ZNF248: variants seen among roughly 807,000 people sequenced by gnomAD.
ZNF248 encodes KRAB protein domain.
Under a neutral mutation model 44.3 loss-of-function variants are expected in ZNF248, and 20 were observed. The observed-to-expected ratio is 0.45, with a 90% CI of 0.32 to 0.66. The LOEUF (loss-of-function observed/expected upper bound fraction) is 0.66, where lower values mean the gene tolerates loss of function less well. ZNF248 is among the 30% of genes least tolerant of loss of function. The pLI, the probability that ZNF248 is intolerant of heterozygous loss-of-function variation, is 0.04. For missense variants in ZNF248, 654 were observed against 677.0 expected (o/e 0.97, Z 0.38); for synonymous variants, 224 against 229.0 (o/e 0.98, Z 0.20).
At chr10:37,818,194 G>A (rs2052854445) in intron 6 of ZNF248, among the ~76,000 whole-genome samples, 1 of 152,148 alleles carries the variant, frequency 6.6e-6, no homozygotes, top group Non-Finnish European at 1.5e-5. Context: ...GAGATTACAG[G>A]CATGAGCCAC....
intron 6 of ZNF248, among the ~76,000 whole-genome samples, chr10:37,788,923 G>A (rs2048196161): frequency 6.6e-6 from 1 of 151,540 alleles, no homozygotes; most frequent in Admixed American, 6.6e-5. Flanking sequence ...CCAGGCTGGA[G>A]TGCAGTGGCA....
chr10:37,827,706 T>C (rs950884679), downstream of ZNF248, among the ~76,000 whole-genome samples: 1 of 151,996 alleles, frequency 6.6e-6, no homozygotes. Flanking sequence ...AGGAGAGATA[T>C]GATGAAAGGA....
In ZNF248 at chr10:37,837,656, A is replaced by T. The variant is rs1262574256; in HGVS notation, c.199T>A (p.Trp67Arg). The stretch of plus-strand genomic sequence containing the variant: ...CTTGGGAATCCTTTTTCTAATATCC[A>T]GGGCTCTTCTCCTTGCTCGATCTTA... ...IFKIEQGEEP[W>R]ILEKGFPSQC... is the part of the protein sequence containing the mutation. Residue 67 changes from tryptophan to arginine, a missense_variant, in exon 5 of 6, where the codon TGG (tryptophan) becomes AGG (arginine). Trp to Arg is a moderately radical substitution (Grantham distance 101). Coordinates refer to ENST00000395867, the MANE Select transcript of ZNF248 (RefSeq NM_021045.3). The T allele has an allele frequency of 2.5e-6, 4 of 1,613,980 alleles. No individual in the cohort carries two copies. The highest frequency in any genetic ancestry group is 3.4e-6 in the Non-Finnish European group (4 of 1,180,014).
intron 3 of ZNF248, among the ~76,000 whole-genome samples, chr10:37,849,604 G>A (rs768371834): frequency 1.3e-5 from 2 of 151,242 alleles, no homozygotes; most frequent in African/African-American, 4.9e-5. Context: ...GGAGAATGGC[G>A]TGAACCCGGG....
intron 3 of ZNF248, among the ~76,000 whole-genome samples, chr10:37,843,025 G>A (rs1336288810): frequency 3.9e-5 from 6 of 152,200 alleles, no homozygotes; most frequent in Non-Finnish European, 8.8e-5. Context: ...TGCAAAGACT[G>A]AGAGAAATGT....
At chr10:37,777,456 C>T (rs2046709980) in intron 6 of ZNF248, among the ~76,000 whole-genome samples, 1 of 152,108 alleles carries the variant, frequency 6.6e-6, no homozygotes, top group African/African-American at 2.4e-5. Flanking sequence ...GGCTTCCAGC[C>T]CAATGCGTCT....
chr10:37,811,761 G>A (rs1176035775), intron 6 of ZNF248, among the ~76,000 whole-genome samples: 1 of 151,904 alleles, frequency 6.6e-6, no homozygotes, highest in Non-Finnish European at 1.5e-5. Context: ...TGGGAGGATT[G>A]TTTGAGCCAG....
intron 6 of ZNF248, among the ~76,000 whole-genome samples, chr10:37,785,387 G>T (rs874860): frequency 0.06 from 9,121 of 152,254 alleles, 350 homozygotes; most frequent in Middle Eastern, 0.095. Context: ...TGGGGTTACT[G>T]TCAGACTCAC....
the ZNF248 span, among the ~76,000 whole-genome samples, chr10:37,759,094 A>T: frequency 6.6e-6 from 1 of 152,228 alleles, no homozygotes; most frequent in Non-Finnish European, 1.5e-5. Context: ...ACAGCCAACA[A>T]GGTTAACATG....
intron 6 of ZNF248, among the ~76,000 whole-genome samples, chr10:37,781,228 T>A (rs1416329162): frequency 6.6e-6 from 1 of 152,168 alleles, no homozygotes; most frequent in African/African-American, 2.4e-5. Context: ...CAACATCTGT[T>A]GATGCCAACG....
intron 6 of ZNF248, chr10:37,776,669 C>T (rs760986491): frequency 2.3e-5 from 9 of 389,722 alleles, no homozygotes; most frequent in Non-Finnish European, 4.1e-5. Context: ...ACTGACTATG[C>T]TGAAGGTTGG....
At chr10:37,764,916 C>A in the ZNF248 span, among the ~76,000 whole-genome samples, 1 of 151,772 alleles carries the variant, frequency 6.6e-6, no homozygotes, top group African/African-American at 2.4e-5. Flanking sequence ...CATGAATCTG[C>A]ACTAGTTTAT....
intron 6 of ZNF248, chr10:37,819,800 T>C (rs777021193): frequency 3.2e-5 from 25 of 783,630 alleles, no homozygotes; most frequent in Non-Finnish European, 5.2e-5. Context: ...AGGAGGGTCC[T>C]GACCCATGGC....
At chr10:37,806,726 C>T (rs1028244884) in intron 6 of ZNF248, among the ~76,000 whole-genome samples, 3 of 152,052 alleles carry the variant, frequency 2.0e-5, no homozygotes, top group Non-Finnish European at 2.9e-5. Context: ...CTTTAAAAAA[C>T]ATAAAAGCGT....
At chr10:37,836,277 CAGAG>C (rs1253122911) in intron 5 of ZNF248, among the ~76,000 whole-genome samples, 4 of 152,140 alleles carry the variant, frequency 2.6e-5, no homozygotes, top group Admixed American at 6.5e-5. Context: ...GCATAGATGT[CAGAG>C]AGATCCTTTT....
At chr10:37,826,797 T>C (rs1408480000), downstream of ZNF248, among the ~76,000 whole-genome samples, 4 of 152,216 alleles carry the variant, frequency 2.6e-5, no homozygotes, top group South Asian at 2.1e-4. Flanking sequence ...AAATCTCTTA[T>C]GATTTTGTAC....
At chr10:37,759,169 A>C in the ZNF248 span, among the ~76,000 whole-genome samples, 1 of 152,214 alleles carries the variant, frequency 6.6e-6, no homozygotes, top group Non-Finnish European at 1.5e-5. Flanking sequence ...AAGCAGTAAA[A>C]CATTCCTTTG....
In ZNF248 at chr10:37,837,674, C is replaced by T. The variant is rs201654989; in HGVS notation, c.181G>A (p.Glu61Lys). 5 of 1,613,940 alleles carry T rather than the reference C, an allele frequency of 3.1e-6. No homozygotes were observed. Among genetic ancestry groups the T allele is most frequent in the Admixed American group, 1.7e-5 (1 of 59,988 alleles). Residue 61 changes from glutamate to lysine, a missense_variant, in exon 5 of 6, where the codon GAG (glutamate) becomes AAG (lysine). Transcript: ENST00000395867. Reference sequence around the variant, plus strand: ...AATATCCAGGGCTCTTCTCCTTGCTCGATCTTAAAGATCACTTCTGGTTTA... The same window carrying T: ...AATATCCAGGGCTCTTCTCCTTGCTTGATCTTAAAGATCACTTCTGGTTTA... ...ITKPEVIFKI[E>K]QGEEPWILEK...
At chr10:37,811,474 G>T (rs11817091) in intron 6 of ZNF248, among the ~76,000 whole-genome samples, 3,097 of 151,754 alleles carry the variant, frequency 0.02, 55 homozygotes, top group Non-Finnish European at 0.032. Flanking sequence ...AACCATGAAG[G>T]ATTTAAAGCT....
Sources: gnomAD v4.1 joint callset for allele counts (sites outside exome capture counted in the v4.1 genomes callset) on GRCh38, gnomAD v4.1.1 for gene constraint, MANE v1.5 for transcripts, NCBI Gene and HGNC (gene_info 2026-07-23, HGNC 2026-07-21) for gene names.